ZNF823: variants seen among roughly 807,000 people sequenced by gnomAD.
ZNF823 encodes ZFP 36 for a zinc finger protein.
Under a neutral mutation model 11.4 loss-of-function variants are expected in ZNF823, and 5 were observed. That is an observed-to-expected ratio of 0.44 (90% CI 0.23 to 0.92). The LOEUF (loss-of-function observed/expected upper bound fraction) is 0.92, where lower values mean the gene tolerates loss of function less well. Among genes scored for constraint, ZNF823 ranks in the 40% least tolerant of loss-of-function variants. The pLI is 0.24. For synonymous variants in ZNF823, 234 were observed against 250.5 expected, an observed-to-expected ratio of 0.93 and a Z score of 0.62; for missense variants, 582 against 738.5, an observed-to-expected ratio of 0.79 and a Z score of 2.46.
intron 1 of ZNF823, 37 bp from the exon 2 acceptor site, chr19:11,725,364 G>A (rs1413894210): frequency 1.2e-6 from 2 of 1,610,396 alleles, no homozygotes; most frequent in African/African-American, 1.3e-5. Flanking sequence ...GGAAGGTTGA[G>A]ATGGACAGCA....
chr19:11,728,967 G>T (rs1289009012), intron 1 of ZNF823, among the ~76,000 whole-genome samples: 1 of 152,158 alleles, frequency 6.6e-6, no homozygotes, highest in Admixed American at 6.6e-5. Flanking sequence ...GAGGCCAGGA[G>T]TTTGAGACCA....
chr19:11,722,586 G>T lies in ZNF823; in HGVS notation c.948C>A (p.His316Gln). The T allele has an allele frequency of 6.2e-7, 1 of 1,614,138 alleles. No individual in the cohort carries two copies. The highest frequency in any genetic ancestry group is 8.5e-7 in the Non-Finnish European group (1 of 1,180,044). ...TTATCATGTGTCTTCGAAAGCTTGT[G>T]TGATGATAAAACGTTTTCCCACATT... Reference protein sequence around the residue: ...CKQCGKTFYHHTSFRRHMIRH... With the variant: ...CKQCGKTFYHQTSFRRHMIRH... Residue 316 changes from histidine to glutamine, a missense_variant, in exon 4 of 4, where the codon CAC (histidine) becomes CAA (glutamine). Physicochemically the swap from His to Gln is conservative, Grantham distance 24 (BLOSUM62 0). This residue lies in a region of ZNF823 where 429 missense variants were observed against 553.7 expected (regional missense o/e 0.77). Transcript: ENST00000341191. This position sits in a 1 kb window ranked among gnomAD's most constrained non-coding sequence, Gnocchi z 5.2.
chr19:11,737,451 G>A (rs912153407), intron 1 of ZNF823, among the ~76,000 whole-genome samples: 2 of 151,908 alleles, frequency 1.3e-5, no homozygotes, highest in East Asian at 3.9e-4. Context: ...TAGTAGAGAC[G>A]GAGTTCCTCC....
chr19:11,721,488 C>A lies in ZNF823; in HGVS notation c.*213G>T. The A allele has an allele frequency of 1.9e-6, 1 of 530,968 alleles. No homozygotes were observed. The highest frequency in any genetic ancestry group is 3.3e-6 in the Non-Finnish European group (1 of 302,076). 32.9% of individuals were successfully genotyped at this position (530,968 alleles called of 1,614,324 possible). A position where few individuals can be genotyped will look rare whatever the true frequency, so the allele number is the denominator to read the frequency against. On this transcript the variant is annotated 3_prime_UTR_variant, in exon 4 of 4. Coordinates refer to ENST00000341191, the MANE Select transcript of ZNF823 (RefSeq NM_001080493.4). ...CTGGAAGATATGCATAGGTTACATG[C>A]AAATATGCCATATAACAAAGGACTT...
chr19:11,723,479 G>T, intron 3 of ZNF823, 137 bp from the exon 4 acceptor site: 2 of 743,446 alleles, frequency 2.7e-6, no homozygotes, highest in South Asian at 1.9e-5. Context: ...AAGTGACAGT[G>T]CTGTGTAAGA....
At chr19:11,735,265 A>C (rs1022657196) in intron 1 of ZNF823, among the ~76,000 whole-genome samples, 8 of 131,520 alleles carry the variant, frequency 6.1e-5, no homozygotes, top group African/African-American at 2.6e-4. Context: ...ACAGAGCGAG[A>C]CTCCATTTCA....
intron 1 of ZNF823, among the ~76,000 whole-genome samples, chr19:11,735,281 CA>C (rs60923876): frequency 0.019 from 1,904 of 99,352 alleles, 33 homozygotes; most frequent in African/African-American, 0.055. Context: ...TTTCAAAAAA[CA>C]AAAAAAAAAA....
intron 3 of ZNF823, among the ~76,000 whole-genome samples, chr19:11,723,963 C>T (rs1974743578): frequency 6.6e-6 from 1 of 152,110 alleles, no homozygotes; most frequent in African/African-American, 2.4e-5. Context: ...GGGGATCTCA[C>T]TATGTTGCCC....
rs369266932 is a variant in ZNF823 at position 11,723,106 on chromosome 19, T to C, written c.428A>G (p.Lys143Arg). The C allele has an allele frequency of 1.2e-6, 2 of 1,614,098 alleles. No individual in the cohort carries two copies. The highest frequency in any genetic ancestry group is 2.7e-5 in the African/African-American group (2 of 74,942). The change falls in exon 4 of 4, where the codon AAA (lysine) becomes AGA (arginine). Residue 143 changes from lysine (K) to arginine (R), a missense_variant. Physicochemically the swap from Lys to Arg is conservative, Grantham distance 26. This residue lies in a region of ZNF823 where 429 missense variants were observed against 553.7 expected (regional missense o/e 0.77). Transcript: ENST00000341191. ...GAAGGAGTGCTGATGACTGATGGCT[T>C]TCCCACGTTGTTTATGTGTATATGG... ...EKPYTHKQRG[K>R]AISHQHSFQT...
At chr19:11,729,081 A>G (rs1227772382) in intron 1 of ZNF823, among the ~76,000 whole-genome samples, 1 of 151,942 alleles carries the variant, frequency 6.6e-6, no homozygotes, top group Admixed American at 6.6e-5. Context: ...AGGCTGAGGC[A>G]TGAGAATCAC....
chr19:11,724,395 C>T, intron 2 of ZNF823, 141 bp from the exon 3 acceptor site: 1 of 677,654 alleles, frequency 1.5e-6, no homozygotes, highest in Non-Finnish European at 2.4e-6. Flanking sequence ...TTGAACTGCA[C>T]AGCTCCACTC....
intron 1 of ZNF823, among the ~76,000 whole-genome samples, chr19:11,737,665 C>T (rs1975018767): frequency 1.3e-5 from 2 of 150,850 alleles, no homozygotes; most frequent in South Asian, 2.1e-4. Flanking sequence ...TTAAAAAGAG[C>T]CATACATTGC....
chr19:11,724,622 G>C (rs1027789255), intron 2 of ZNF823, among the ~76,000 whole-genome samples: 1 of 147,550 alleles, frequency 6.8e-6, no homozygotes, highest in African/African-American at 2.5e-5. Flanking sequence ...GCAGTGGCGC[G>C]ATCTCAGCTC....
Position 11,722,903 on chromosome 19 carries a change from C to T in ZNF823, c.631G>A (p.Glu211Lys), listed in dbSNP as rs747534988. The change falls in exon 4 of 4, where the codon GAA becomes AAA. Residue 211 changes from glutamate to lysine, a missense_variant. Physicochemically the swap from Glu to Lys is moderately conservative, Grantham distance 56 (BLOSUM62 1). Transcript: ENST00000341191. The surrounding 1 kb of genome is among the most constrained non-coding windows in gnomAD (Gnocchi z 5.2). ...FVWPSLFHLH[E>K]RTHTGEKPYE... ...GGTTTCTCTCCAGTGTGTGTTCTTT[C>T]GTGCAAATGAAATAAACTGGGCCAA... 49 of 1,614,072 alleles carry T rather than the reference C, an allele frequency of 3.0e-5. No homozygotes were observed. The highest frequency in any genetic ancestry group is 3.9e-5 in the Non-Finnish European group (46 of 1,180,028).
Position 11,725,343 on chromosome 19 carries a change from T to A in ZNF823, c.4-16A>T. ...CCACTGAGTCCTGAAACATCCCACA[T>A]GTGCAGAGGAGGAAGGTTGAGATGG... is the stretch of plus-strand genomic sequence containing the variant. On this transcript the variant is annotated splice_polypyrimidine_tract_variant and intron_variant, in intron 1 of 3. Coordinates refer to ENST00000341191, the MANE Select transcript of ZNF823 (RefSeq NM_001080493.4). 4 of 1,612,926 alleles carry A rather than the reference T, an allele frequency of 2.5e-6. No individual in the cohort carries two copies. Among genetic ancestry groups the A allele is most frequent in the Non-Finnish European group, 3.4e-6 (4 of 1,179,380 alleles).
At position 11,722,118 on chromosome 19, in the gene ZNF823, C is replaced by T. The variant is rs1974694042; in HGVS notation, c.1416G>A (p.Glu472=). ...ETTHTGEKPY[E]CKECGKAFSC... is the part of the protein sequence containing the mutation. ...TGAATGCTTTCCCACATTCCTTACA[C>T]TCATATGGCTTCTCTCCAGTGTGAG... Residue 472 remains glutamate (E), a synonymous_variant, in exon 4 of 4, where the codon GAG becomes GAA. Coordinates refer to ENST00000341191, the MANE Select transcript of ZNF823 (RefSeq NM_001080493.4). The surrounding 1 kb of genome is among the most constrained non-coding windows in gnomAD (Gnocchi z 5.2). 6.2e-7 allele frequency: 1 copy of T among 1,612,350 alleles called. No homozygotes were observed. Among genetic ancestry groups the T allele is most frequent in the Non-Finnish European group, 8.5e-7 (1 of 1,179,566 alleles).
chr19:11,723,157 CAT>C lies in ZNF823; in HGVS notation c.375_376del (p.Cys126Ter). 1.9e-6 allele frequency: 3 copies of C among 1,614,158 alleles called. No homozygotes were observed. The highest frequency in any genetic ancestry group is 1.7e-5 in the Admixed American group (1 of 60,020). Reference sequence around the variant, plus strand: ...CTTCTCTCCATATTCCTGATGCTCACATGATTTGTGTCCAGTGTCAACTCTGA... The same window carrying C: ...CTTCTCTCCATATTCCTGATGCTCACGATTTGTGTCCAGTGTCAACTCTGA... On this transcript the variant is annotated frameshift_variant, in exon 4 of 4. Transcript: ENST00000341191. LOFTEE classifies it low-confidence loss of function (END_TRUNC).
intron 1 of ZNF823, among the ~76,000 whole-genome samples, chr19:11,736,448 G>A (rs1056813154): frequency 6.6e-6 from 1 of 152,194 alleles, no homozygotes; most frequent in Non-Finnish European, 1.5e-5. Flanking sequence ...GAACCCAGGA[G>A]GTTGAGGCTG....
At chr19:11,733,068 G>T (rs1974930281) in intron 1 of ZNF823, among the ~76,000 whole-genome samples, 1 of 152,096 alleles carries the variant, frequency 6.6e-6, no homozygotes, top group African/African-American at 2.4e-5. Flanking sequence ...ACTTTGCCAG[G>T]ACCTAGAAAT....
Sources: gnomAD v4.1 joint callset for allele counts (sites outside exome capture counted in the v4.1 genomes callset) on GRCh38, gnomAD v4.1.1 for gene constraint, gnomAD v4.1.1 regional missense constraint, Gnocchi (gnomAD v3.1) non-coding constraint, MANE v1.5 for transcripts, NCBI Gene and HGNC (gene_info 2026-07-23, HGNC 2026-07-21) for gene names.